The following RPRD1A variants were observed in gnomAD, a reference collection of about 807,000 sequenced individuals.
RPRD1A encodes regulation of nuclear pre-mRNA domain containing 1A.
A neutral mutation model predicts 37.8 loss-of-function variants in RPRD1A; 9 were observed. The observed-to-expected ratio is 0.24, with a 90% CI of 0.14 to 0.42. The LOEUF is 0.42. Among genes scored for constraint, RPRD1A ranks in the 10% least tolerant of loss-of-function variants. The probability of loss-of-function intolerance (pLI) is 1.00; values close to 1 mark genes in which losing one functional copy is unlikely to be tolerated. For missense variants in RPRD1A, 255 were observed against 371.0 expected, an observed-to-expected ratio of 0.69 and a Z score of 2.57; for synonymous variants, 138 against 139.7, an observed-to-expected ratio of 0.99 and a Z score of 0.08.
At chr18:36,041,578 C>T (rs576668769) in intron 1 of RPRD1A, among the ~76,000 whole-genome samples, 2 of 152,294 alleles carry the variant, frequency 1.3e-5, no homozygotes, top group African/African-American at 4.8e-5. Flanking sequence ...TCAGCATTTT[C>T]TGAGGCAAAA....
intron 6 of RPRD1A, among the ~76,000 whole-genome samples, chr18:36,020,951 A>G (rs552125462): frequency 5.9e-5 from 9 of 152,368 alleles, no homozygotes; most frequent in African/African-American, 2.2e-4. Flanking sequence ...TGCAGAGCCC[A>G]TAAACAGGGC....
rs531171417 is a variant in RPRD1A, at chr18:36,016,299, C to T, written c.789+10601G>A. On this transcript the variant is annotated intron_variant, in intron 6 of 6. Transcript: ENST00000399022. ...GTGCAATGGCACAATCTTGGCTCAC[C>T]GCAACCTCCACCTACTGGGTTCAAG... Among the ~76,000 whole-genome samples the T allele has an allele frequency of 4.6e-5, 7 of 152,194 alleles. No homozygotes were observed. The South Asian group carries it at 6.2e-4, about 14-fold the overall frequency.
intron 1 of RPRD1A, among the ~76,000 whole-genome samples, chr18:36,041,061 T>C (rs1912549577): frequency 6.6e-6 from 1 of 152,202 alleles, no homozygotes; most frequent in Non-Finnish European, 1.5e-5. Flanking sequence ...CAAATGAGAA[T>C]TGAAGAAAGG....
chr18:36,067,166 G>T, intron 1 of RPRD1A, 88 bp downstream of exon 1: 1 of 1,420,266 alleles, frequency 7.0e-7, no homozygotes, highest in Non-Finnish European at 9.4e-7. Flanking sequence ...ACGCCGGGAA[G>T]CCGGGGGCGC....
At chr18:36,063,232 T>A (rs1225261993) in intron 1 of RPRD1A, among the ~76,000 whole-genome samples, 1 of 151,944 alleles carries the variant, frequency 6.6e-6, no homozygotes, top group Non-Finnish European at 1.5e-5. Flanking sequence ...TCGCCCAGGT[T>A]GGAGTGCAGT....
chr18:35,998,651 T>C (rs1211017522), intron 6 of RPRD1A, among the ~76,000 whole-genome samples: 2 of 152,208 alleles, frequency 1.3e-5, no homozygotes, highest in African/African-American at 2.4e-5. Context: ...TCAATTCCAC[T>C]GATCATATCC....
chr18:36,000,184 T>C (rs1428770086), intron 6 of RPRD1A, among the ~76,000 whole-genome samples: 2 of 152,206 alleles, frequency 1.3e-5, no homozygotes, highest in South Asian at 2.1e-4. Flanking sequence ...TGGTTTGCCC[T>C]CACCTTCTGG....
At chr18:36,060,942 A>T (rs892250412) in intron 1 of RPRD1A, among the ~76,000 whole-genome samples, 1 of 152,108 alleles carries the variant, frequency 6.6e-6, no homozygotes, top group Non-Finnish European at 1.5e-5. Flanking sequence ...CAGCCTCGGC[A>T]ACATAGTGAG....
intron 6 of RPRD1A, among the ~76,000 whole-genome samples, chr18:36,021,387 G>A (rs1386192711): frequency 6.6e-6 from 1 of 152,170 alleles, no homozygotes; most frequent in Admixed American, 6.5e-5. Context: ...ATGGTAATCT[G>A]TGATCAGTGA....
intron 6 of RPRD1A, chr18:36,024,972 T>C (rs1911259322): frequency 6.6e-6 from 1 of 152,246 alleles, no homozygotes; most frequent in South Asian, 2.1e-4. Flanking sequence ...TGAGGTGATT[T>C]CTTCTTTATA....
At chr18:36,057,094 G>A (rs1001681536) in intron 1 of RPRD1A, among the ~76,000 whole-genome samples, 2 of 144,408 alleles carry the variant, frequency 1.4e-5, no homozygotes, top group Non-Finnish European at 3.0e-5. Context: ...GCCAGTCATG[G>A]TAGCATGCAC....
intron 1 of RPRD1A, among the ~76,000 whole-genome samples, chr18:36,056,804 C>A (rs946256186): frequency 1.3e-5 from 2 of 151,818 alleles, no homozygotes; most frequent in African/African-American, 4.8e-5. Context: ...TGCAAGAGAA[C>A]CAAAATGACC....
intron 6 of RPRD1A, chr18:36,025,577 A>G (rs1482389338): frequency 1.6e-6 from 2 of 1,216,826 alleles, no homozygotes; most frequent in South Asian, 1.3e-5. Context: ...CAATTTTCAA[A>G]AACATGAGAC....
chr18:36,020,148 T>C (rs1291862424), intron 6 of RPRD1A, among the ~76,000 whole-genome samples: 2 of 152,180 alleles, frequency 1.3e-5, no homozygotes, highest in Non-Finnish European at 2.9e-5. Flanking sequence ...TCCTGAGGAA[T>C]TCTGGATATG....
chr18:36,047,112 T>TGAGCC (rs1319404359), intron 1 of RPRD1A, among the ~76,000 whole-genome samples: 5 of 151,934 alleles, frequency 3.3e-5, no homozygotes, highest in African/African-American at 1.2e-4. Flanking sequence ...TCCCAGCTAT[T>TGAGCC]CAGGAGGCTC....
chr18:36,034,095 GA>G (rs1352667880), intron 1 of RPRD1A, among the ~76,000 whole-genome samples: 17 of 151,784 alleles, frequency 1.1e-4, no homozygotes, highest in African/African-American at 4.1e-4. Context: ...CAAACTATAT[GA>G]AATATAGTCA....
intron 4 of RPRD1A, chr18:36,028,292 A>G (rs1157698857): frequency 2.6e-5 from 4 of 152,262 alleles, no homozygotes; most frequent in Admixed American, 2.0e-4. Flanking sequence ...GTAGGAATGA[A>G]TGAAACTAAT....
At chr18:36,040,895 T>C in intron 1 of RPRD1A, 2 of 1,265,528 alleles carry the variant, frequency 1.6e-6, no homozygotes, top group Non-Finnish European at 2.2e-6. Context: ...AAGAAAATAT[T>C]TACTACACCT....
At chr18:36,025,444 T>G (rs1598625473) in intron 6 of RPRD1A, 1 of 333,300 alleles carries the variant, frequency 3.0e-6, no homozygotes, top group East Asian at 8.1e-5. Flanking sequence ...TTGTGGGGAG[T>G]GGCATCTGAT....
Sources: gnomAD v4.1 joint callset for allele counts (sites outside exome capture counted in the v4.1 genomes callset) on GRCh38, gnomAD v4.1.1 for gene constraint, MANE v1.5 for transcripts, NCBI Gene and HGNC (gene_info 2026-07-23, HGNC 2026-07-21) for gene names.